Variants in HDAC11 observed in about 807,000 individuals in gnomAD.
HDAC11 encodes the protein histone deacetylase 11.
Under a neutral mutation model 41.1 loss-of-function variants are expected in HDAC11, and 23 were observed. The observed-to-expected ratio is 0.56, with a 90% CI of 0.40 to 0.79. The LOEUF (loss-of-function observed/expected upper bound fraction) is 0.79, where lower values mean the gene tolerates loss of function less well. Ranked by LOEUF, HDAC11 falls within the 30% of genes least tolerant of loss-of-function variation. HDAC11 has a pLI of 0.00. For synonymous variants in HDAC11, 187 were observed against 186.6 expected, an observed-to-expected ratio of 1.00 and a Z score of -0.02; for missense variants, 402 against 477.3, an observed-to-expected ratio of 0.84 and a Z score of 1.47.
chr3:13,490,947 C>T (rs1050308472), intron 3 of HDAC11, among the ~76,000 whole-genome samples: 6 of 151,750 alleles, frequency 4.0e-5, no homozygotes, highest in African/African-American at 7.3e-5. Flanking sequence ...GATGGGGTTT[C>T]GCCATGTTGG....
rs562281725 is a variant in HDAC11, at chr3:13,483,501, G to A, written c.189G>A (p.Ala63=). The part of the protein sequence containing the change: ...KLLSDSMLVE[A]REASEEDLLV... Reference sequence around the variant, plus strand: ...TGTCTGACAGCATGCTGGTGGAGGCGCGGGAGGCCTCGGAGGAGGACCTGC... The same window carrying A: ...TGTCTGACAGCATGCTGGTGGAGGCACGGGAGGCCTCGGAGGAGGACCTGC... Residue 63 remains alanine, a synonymous_variant, in exon 3 of 10, where the codon GCG becomes GCA. Transcript: ENST00000295757. The A allele has an allele frequency of 6.2e-6, 10 of 1,614,082 alleles. No individual in the cohort carries two copies. The highest frequency in any genetic ancestry group is 3.3e-5 in the South Asian group (3 of 91,080).
chr3:13,505,292 C>CCCA lies in HDAC11; in HGVS notation c.*609_*610insCCA, dbSNP rs1476180200. The CCCA allele has an allele frequency of 6.3e-6, 1 of 158,946 alleles. No individual in the cohort carries two copies. Among genetic ancestry groups the CCCA allele is most frequent in the Non-Finnish European group, 1.4e-5 (1 of 71,814 alleles). 9.8% of individuals were successfully genotyped at this position (158,946 alleles called of 1,614,324 possible). ...TCAGGAAGGGGTACAGGTGGGTTCC[C>CCCA]TCATCTGGAGTTCCCCCTCAATAAA... On this transcript the variant is annotated 3_prime_UTR_variant, in exon 10 of 10. Coordinates refer to ENST00000295757, the MANE Select transcript of HDAC11 (RefSeq NM_024827.4).
At chr3:13,501,559 C>T in intron 6 of HDAC11, 1 of 604,904 alleles carries the variant, frequency 1.7e-6, no homozygotes, top group Non-Finnish European at 3.2e-6. Flanking sequence ...AACCCCTACA[C>T]ATTTCCTAGG....
intron 8 of HDAC11, 152 bp from the exon 9 acceptor site, chr3:13,503,942 G>A (rs1314565693): frequency 2.9e-6 from 2 of 684,192 alleles, no homozygotes; most frequent in Non-Finnish European, 5.0e-6. Flanking sequence ...TGCAGCTCTT[G>A]GTGCTCTTTT....
At chr3:13,487,801 G>C (rs1486885578) in intron 3 of HDAC11, among the ~76,000 whole-genome samples, 2 of 152,160 alleles carry the variant, frequency 1.3e-5, no homozygotes, top group Non-Finnish European at 2.9e-5. Context: ...TTTCCTGCTG[G>C]AGCTGGCATT....
chr3:13,502,264 C>G lies in HDAC11; in HGVS notation c.552+331C>G. 1 of 307,410 alleles carries G rather than the reference C, an allele frequency of 3.3e-6. No individual in the cohort carries two copies. Among genetic ancestry groups the G allele is most frequent in the Non-Finnish European group, 6.1e-6 (1 of 164,934 alleles). The allele number at this position is 307,410 out of a possible 1,614,324, so 19.0% of individuals were successfully genotyped here. ...AATAATTTGGGGCACTGCCCCCTGCCCAGAGCTGCTGAGCACTGGCCACCT... is the reference window on the plus strand; with the variant it reads ...AATAATTTGGGGCACTGCCCCCTGCGCAGAGCTGCTGAGCACTGGCCACCT... On this transcript the variant is annotated intron_variant, in intron 7 of 9. Transcript: ENST00000295757. This position sits in a 1 kb window ranked among gnomAD's most constrained non-coding sequence, Gnocchi z 4.1.
At chr3:13,492,450 G>C (rs1701909443) in intron 3 of HDAC11, among the ~76,000 whole-genome samples, 1 of 152,272 alleles carries the variant, frequency 6.6e-6, no homozygotes. Context: ...GAGGGAGATA[G>C]ATGCTAATCG....
Position 13,480,411 on chromosome 3 carries a change from A to T in HDAC11, c.2+62A>T. 3 of 877,230 alleles carry T rather than the reference A, an allele frequency of 3.4e-6. No individual in the cohort carries two copies. Among genetic ancestry groups the T allele is most frequent in the African/African-American group, 1.8e-5 (1 of 54,948 alleles). The allele number at this position is 877,230 out of a possible 1,614,324, so 54.3% of individuals were successfully genotyped here. A position where few individuals can be genotyped will look rare whatever the true frequency, so the allele number is the denominator to read the frequency against. On this transcript the variant is annotated intron_variant, in intron 1 of 9. Coordinates refer to ENST00000295757, the MANE Select transcript of HDAC11 (RefSeq NM_024827.4). The surrounding 1 kb of genome is among the most constrained non-coding windows in gnomAD (Gnocchi z 4.6). ...AGGGGTCCCGGTGGGCGGGCGCGCTAGGGCGAGGGCGGGGACGGCCGGGCG... is the reference window on the plus strand; with the variant it reads ...AGGGGTCCCGGTGGGCGGGCGCGCTTGGGCGAGGGCGGGGACGGCCGGGCG...
At chr3:13,484,711 C>G (rs974248887) in intron 3 of HDAC11, among the ~76,000 whole-genome samples, 2 of 152,160 alleles carry the variant, frequency 1.3e-5, no homozygotes, top group Non-Finnish European at 2.9e-5. Context: ...TAATGTGGCA[C>G]TCATTATAAG....
intron 3 of HDAC11, among the ~76,000 whole-genome samples, chr3:13,484,109 G>A (rs565948436): frequency 6.6e-6 from 1 of 152,078 alleles, no homozygotes; most frequent in Non-Finnish European, 1.5e-5. Flanking sequence ...TTACAGGCGC[G>A]TGCCACCATG....
At chr3:13,503,096 T>C in intron 8 of HDAC11, 116 bp downstream of exon 8, 1 of 706,958 alleles carries the variant, frequency 1.4e-6, no homozygotes, top group Non-Finnish European at 2.4e-6. Context: ...ATAGCATCCC[T>C]GTGAGGTGAT....
Position 13,504,581 on chromosome 3 carries a change from C to A in HDAC11, c.942C>A (p.Asp314Glu). ...AGCGCACAGCCCGCATCATTGCTGA[C>A]TCCATACTTAATCTGTTTGGCCTGG... ...YQKRTARIIA[D>E]SILNLFGLGL... The change falls in exon 10 of 10, where the codon GAC becomes GAA. Residue 314 changes from aspartate (D) to glutamate (E), a missense_variant. By Grantham distance (45) the Asp-to-Glu change is conservative. Coordinates refer to ENST00000295757, the MANE Select transcript of HDAC11 (RefSeq NM_024827.4). The A allele has an allele frequency of 6.2e-7, 1 of 1,613,808 alleles. No individual in the cohort carries two copies. Among genetic ancestry groups the A allele is most frequent in the Non-Finnish European group, 8.5e-7 (1 of 1,180,034 alleles).
At chr3:13,504,002 C>G in intron 8 of HDAC11, 92 bp from the exon 9 acceptor site, 1 of 1,207,986 alleles carries the variant, frequency 8.3e-7, no homozygotes, top group Non-Finnish European at 1.2e-6. Flanking sequence ...ATCTGACAGA[C>G]CAGTTTCCAG....
intron 4 of HDAC11, among the ~76,000 whole-genome samples, 166 bp downstream of exon 4, chr3:13,497,018 C>G (rs965381675): frequency 3.9e-5 from 6 of 152,124 alleles, no homozygotes; most frequent in Non-Finnish European, 7.4e-5. Context: ...GCCTTTTTTC[C>G]CCATCTTGGG....
intron 2 of HDAC11, among the ~76,000 whole-genome samples, chr3:13,482,822 G>A (rs1344806672): frequency 6.6e-6 from 1 of 152,014 alleles, no homozygotes; most frequent in Non-Finnish European, 1.5e-5. Context: ...TATTGAGACA[G>A]GGTCTCACTC....
intron 2 of HDAC11, among the ~76,000 whole-genome samples, chr3:13,481,626 G>A (rs796136286): frequency 4.6e-5 from 7 of 152,284 alleles, no homozygotes; most frequent in African/African-American, 1.4e-4. Context: ...CCTAAGTCCT[G>A]CCTCTGCCCA....
At chr3:13,491,807 C>T (rs1701878957) in intron 3 of HDAC11, among the ~76,000 whole-genome samples, 1 of 152,228 alleles carries the variant, frequency 6.6e-6, no homozygotes, top group Non-Finnish European at 1.5e-5. Context: ...TGGGGCAGAC[C>T]TCCCATGCTC....
At chr3:13,489,903 C>A (rs1319323331) in intron 3 of HDAC11, among the ~76,000 whole-genome samples, 1 of 152,048 alleles carries the variant, frequency 6.6e-6, no homozygotes, top group African/African-American at 2.4e-5. Flanking sequence ...ATGTCAATAC[C>A]ACACTATTTT....
At chr3:13,488,429 C>A (rs1232245651) in intron 3 of HDAC11, among the ~76,000 whole-genome samples, 1 of 152,124 alleles carries the variant, frequency 6.6e-6, no homozygotes, top group Non-Finnish European at 1.5e-5. Context: ...CCCCATTTAT[C>A]CCCCCAAGTC....
Sources: gnomAD v4.1 joint callset for allele counts (sites outside exome capture counted in the v4.1 genomes callset) on GRCh38, gnomAD v4.1.1 for gene constraint, Gnocchi (gnomAD v3.1) non-coding constraint, MANE v1.5 for transcripts, NCBI Gene and HGNC (gene_info 2026-07-23, HGNC 2026-07-21) for gene names.